The following TOP2B variants were observed in gnomAD, a reference collection of about 807,000 sequenced individuals.
TOP2B encodes DNA topoisomerase 2-beta.
A neutral mutation model predicts 193.5 loss-of-function variants in TOP2B; 51 were observed. The observed-to-expected ratio is 0.26, with a 90% CI of 0.21 to 0.33. The LOEUF (loss-of-function observed/expected upper bound fraction) is 0.33. Among genes scored for constraint, TOP2B ranks in the 10% least tolerant of loss-of-function variants. The pLI, the probability that TOP2B is intolerant of heterozygous loss-of-function variation, is 1.00. For synonymous variants in TOP2B, 634 were observed against 635.7 expected, an observed-to-expected ratio of 1.00 and a Z score of 0.04; for missense variants, 1,378 against 1,909.3, an observed-to-expected ratio of 0.72 and a Z score of 5.19.
chr3:25,652,044 G>A (rs1703606853), intron 1 of TOP2B, among the ~76,000 whole-genome samples: 1 of 152,160 alleles, frequency 6.6e-6, no homozygotes, highest in Non-Finnish European at 1.5e-5. Flanking sequence ...TGAAGAGAGT[G>A]GCCGTACTTA....
chr3:25,607,286 A>G lies in TOP2B; in HGVS notation c.4183T>C (p.Leu1395=), dbSNP rs115100264. ...DDDDNNDLEE[L]KVKASPITND... is the part of the protein sequence containing the mutation. ...GTTATGGGAGATGCTTTAACTTTCAATTCCTCTAAATCATTATTGTCATCA... is the reference window on the plus strand; with the variant it reads ...GTTATGGGAGATGCTTTAACTTTCAGTTCCTCTAAATCATTATTGTCATCA... The change falls in exon 31 of 36, where the codon TTG becomes CTG. Residue 1395 remains leucine (L), a synonymous_variant. Coordinates refer to ENST00000264331, the MANE Select transcript of TOP2B (RefSeq NM_001330700.2). 1.3e-6 allele frequency: 2 copies of G among 1,564,810 alleles called. No individual in the cohort carries two copies. Among genetic ancestry groups the G allele is most frequent in the African/African-American group, 2.7e-5 (2 of 73,956 alleles).
Position 25,627,205 on chromosome 3 carries a change from A to G in TOP2B, c.1998T>C (p.Asp666=). 1 of 1,600,918 alleles carries G rather than the reference A, an allele frequency of 6.2e-7. No homozygotes were observed. Among genetic ancestry groups the G allele is most frequent in the Non-Finnish European group, 8.5e-7 (1 of 1,175,950 alleles). Residue 666 remains aspartate (D), a synonymous_variant, in exon 16 of 36, where the codon GAT becomes GAC. Transcript: ENST00000264331. ...TAATTACCAAGGTAATGGCAGCATC[A>G]TCTTCAGGACCAGCATATCTAAACA... ...RILFRYAGPE[D]DAAITLAFSK...
chr3:25,636,005 A>T lies in TOP2B; in HGVS notation c.783T>A (p.Thr261=), dbSNP rs1166544364. ...KLDKDIVALM[T]RRAYDLAGSC... The stretch of plus-strand genomic sequence containing the variant: ...AACCAGCCAAATCATATGCCCTTCT[A>T]GTCATGAGGGCCACAATATCCTTGT... Residue 261 remains threonine (T), a synonymous_variant, in exon 7 of 36, where the codon ACT becomes ACA. Coordinates refer to ENST00000264331, the MANE Select transcript of TOP2B (RefSeq NM_001330700.2). 6.2e-7 allele frequency: 1 copy of T among 1,613,344 alleles called. No homozygotes were observed. The highest frequency in any genetic ancestry group is 8.5e-7 in the Non-Finnish European group (1 of 1,179,506).
rs568363189 is a variant in TOP2B, at chr3:25,649,615, A to G, written c.70-4145T>C. Among the ~76,000 whole-genome samples the G allele has an allele frequency of 7.2e-5, 11 of 151,926 alleles. No homozygotes were observed. The South Asian group carries it at 1.5e-3, about 20-fold the overall frequency. On this transcript the variant is annotated intron_variant, in intron 1 of 35. Coordinates refer to ENST00000264331, the MANE Select transcript of TOP2B (RefSeq NM_001330700.2). The stretch of plus-strand genomic sequence containing the variant: ...TATATCTGAAGTACTGAAAGAAAAA[A>G]AAAAAAAACACTGCCAACCAAGAAC...
At chr3:25,607,946 A>T (rs1035654192) in intron 30 of TOP2B, among the ~76,000 whole-genome samples, 28 of 151,816 alleles carry the variant, frequency 1.8e-4, no homozygotes, top group African/African-American at 6.5e-4. Flanking sequence ...TTCCTGGCTG[A>T]TTTTTTTTAA....
rs183139042 is a variant in TOP2B at position 25,653,936 on chromosome 3, A to G, written c.70-8466T>C. On this transcript the variant is annotated intron_variant, in intron 1 of 35. Coordinates refer to ENST00000264331, the MANE Select transcript of TOP2B (RefSeq NM_001330700.2). ...TCCTGATAAAAACACATAACAAACT[A>G]GAAATAGAAAGAAAACACCTCAATA... 1.2e-3 allele frequency among the ~76,000 whole-genome samples: 182 copies of G among 152,328 alleles called. 1 individual carries two copies. The highest frequency in any genetic ancestry group is 4.0e-3 in the African/African-American group (165 of 41,576).
At chr3:25,601,785 T>A (rs571344790) in intron 33 of TOP2B, among the ~76,000 whole-genome samples, 48 of 152,320 alleles carry the variant, frequency 3.2e-4, no homozygotes, top group Admixed American at 6.5e-4. Context: ...TAAAATAAAT[T>A]AAGCAGTAAC....
At chr3:25,605,531 A>G (rs1328817272) in intron 32 of TOP2B, among the ~76,000 whole-genome samples, 1 of 152,110 alleles carries the variant, frequency 6.6e-6, no homozygotes, top group African/African-American at 2.4e-5. Flanking sequence ...GTGTGTATTA[A>G]AAAATGATAG....
intron 25 of TOP2B, chr3:25,618,210 T>A: frequency 2.0e-6 from 1 of 510,660 alleles, no homozygotes; most frequent in Non-Finnish European, 3.5e-6. Context: ...TCTGGTTGAG[T>A]CACACTGGCC....
At chr3:25,602,911 C>CTT (rs147513396) in intron 33 of TOP2B, among the ~76,000 whole-genome samples, 410 of 152,290 alleles carry the variant, frequency 2.7e-3, no homozygotes, top group African/African-American at 9.3e-3. Context: ...GCATCCTCTT[C>CTT]TTGAAATGAT....
At chr3:25,659,393 AAAG>A (rs1181423295) in intron 1 of TOP2B, among the ~76,000 whole-genome samples, 1 of 152,238 alleles carries the variant, frequency 6.6e-6, no homozygotes, top group Non-Finnish European at 1.5e-5. Context: ...TCTCTATAAT[AAAG>A]GGAATGAAAA....
At chr3:25,640,752 C>CTTTTTTT (rs372465937) in intron 4 of TOP2B, among the ~76,000 whole-genome samples, 17 of 106,994 alleles carry the variant, frequency 1.6e-4, no homozygotes, top group South Asian at 3.2e-4. Flanking sequence ...TCTTCGTTGT[C>CTTTTTTT]TTTTTTTTTT....
At chr3:25,609,471 C>T in intron 29 of TOP2B, 97 bp downstream of exon 29, 1 of 1,483,234 alleles carries the variant, frequency 6.7e-7, no homozygotes, top group Non-Finnish European at 9.0e-7. Context: ...GGCATTATTT[C>T]AACTACCAGA....
At chr3:25,645,587 T>C (rs1703392997) in intron 1 of TOP2B, 117 bp from the exon 2 acceptor site, 1 of 767,230 alleles carries the variant, frequency 1.3e-6, no homozygotes. Flanking sequence ...ACTGATTTTT[T>C]AAATCTAAAG....
chr3:25,601,073 A>T (rs1008115318), intron 34 of TOP2B, 27 bp downstream of exon 34: 1 of 1,607,346 alleles, frequency 6.2e-7, no homozygotes, highest in Admixed American at 1.7e-5. Flanking sequence ...GCATATGTTT[A>T]AAGGGTTATA....
intron 33 of TOP2B, among the ~76,000 whole-genome samples, chr3:25,602,211 CAT>C (rs1438477729): frequency 4.6e-5 from 7 of 151,946 alleles, no homozygotes; most frequent in Non-Finnish European, 1.0e-4. Context: ...GCCTGCCCAA[CAT>C]GGTGAAACCC....
At chr3:25,603,854 C>G (rs1702171514) in intron 33 of TOP2B, among the ~76,000 whole-genome samples, 1 of 152,220 alleles carries the variant, frequency 6.6e-6, no homozygotes, top group South Asian at 2.1e-4. Context: ...TTTCCTCAAT[C>G]TGCTAGTTAA....
At chr3:25,658,955 G>T (rs986338834) in intron 1 of TOP2B, among the ~76,000 whole-genome samples, 27 of 152,106 alleles carry the variant, frequency 1.8e-4, no homozygotes, top group Admixed American at 5.9e-4. Flanking sequence ...TGACAAACAG[G>T]GTAAAGGAGA....
At chr3:25,603,659 G>C (rs1460857450) in intron 33 of TOP2B, among the ~76,000 whole-genome samples, 1 of 152,192 alleles carries the variant, frequency 6.6e-6, no homozygotes, top group Non-Finnish European at 1.5e-5. Context: ...TTATTTGAGA[G>C]ATAAAGGAGG....
Sources: allele counts gnomAD v4.1 joint callset (sites outside exome capture counted in the v4.1 genomes callset), GRCh38; gene constraint gnomAD v4.1.1; transcripts MANE v1.5; gene names NCBI Gene and HGNC (gene_info 2026-07-23, HGNC 2026-07-21).